The following PTPRT variants were observed in gnomAD, a reference collection of about 807,000 sequenced individuals.
PTPRT encodes the protein receptor-type tyrosine-protein phosphatase T.
Under a neutral mutation model 176.8 loss-of-function variants are expected in PTPRT, and 56 were observed. The ratio of observed to expected loss-of-function variants is 0.32; its 90% CI spans 0.26 to 0.40. The LOEUF is 0.40. PTPRT is among the 10% of genes least tolerant of loss of function. PTPRT has a pLI of 1.00. For missense variants in PTPRT, 1,540 were observed against 1,908.2 expected (o/e 0.81, Z 3.60); for synonymous variants, 783 against 739.0 (o/e 1.06, Z -0.96).
In PTPRT at chr20:42,233,710, G is replaced by T. The variant is rs142628267; in HGVS notation, c.2342+2519C>A. Among the ~76,000 whole-genome samples the T allele has an allele frequency of 4.4e-4, 67 of 152,250 alleles. No homozygotes were observed. In the East Asian group the frequency reaches 0.013, roughly 29 times the overall value. ...TTTCTGTATAGAAGGCAGGCTATTT[G>T]CAGTGGCATACAATATATGACCGTC... On this transcript the variant is annotated intron_variant, in intron 15 of 30. Transcript: ENST00000373187.
At chr20:42,199,042 T>C (rs1991343330) in intron 16 of PTPRT, among the ~76,000 whole-genome samples, 198 bp downstream of exon 16, 13 of 152,202 alleles carry the variant, frequency 8.5e-5, no homozygotes. Context: ...TTGGGGAAGA[T>C]TTTTTAAATA....
At chr20:42,228,178 C>T (rs1049381611) in intron 15 of PTPRT, among the ~76,000 whole-genome samples, 1 of 152,172 alleles carries the variant, frequency 6.6e-6, no homozygotes. Context: ...ATTAAAGGTA[C>T]ATTTTACCTT....
At chr20:42,769,826 T>G (rs1276187203) in intron 5 of PTPRT, among the ~76,000 whole-genome samples, 2 of 152,174 alleles carry the variant, frequency 1.3e-5, no homozygotes, top group Non-Finnish European at 2.9e-5. Flanking sequence ...CACAACAACA[T>G]AAGTAATCCT....
chr20:42,945,986 G>A (rs926578776), intron 1 of PTPRT, among the ~76,000 whole-genome samples: 10 of 152,002 alleles, frequency 6.6e-5, no homozygotes, highest in African/African-American at 2.2e-4. Flanking sequence ...CATACAATAC[G>A]CAACCTTCTG....
At chr20:43,157,054 TA>T (rs970454351) in intron 1 of PTPRT, among the ~76,000 whole-genome samples, 9 of 150,582 alleles carry the variant, frequency 6.0e-5, no homozygotes, top group East Asian at 1.9e-4. Context: ...ACACAGCAAT[TA>T]AAAAAAAAGA....
At chr20:42,589,921 C>T (rs1385188617) in intron 7 of PTPRT, among the ~76,000 whole-genome samples, 1 of 152,160 alleles carries the variant, frequency 6.6e-6, no homozygotes, top group Non-Finnish European at 1.5e-5. Flanking sequence ...CAAGTTCTTA[C>T]AATGTGATCT....
At chr20:42,349,449 C>G (rs1348392848) in intron 11 of PTPRT, among the ~76,000 whole-genome samples, 2 of 152,188 alleles carry the variant, frequency 1.3e-5, no homozygotes, top group Non-Finnish European at 2.9e-5. Flanking sequence ...AGCTCTTATG[C>G]GTATCTCCAC....
At position 42,969,542 on chromosome 20, in the gene PTPRT, T is replaced by C. The variant is rs1982496775; in HGVS notation, c.89-83610A>G. ...CTTTACTATGAACTATGGAATGTGCTAGGTAAAGACGTTACTCCACGTAAG... is the reference window on the plus strand; with the variant it reads ...CTTTACTATGAACTATGGAATGTGCCAGGTAAAGACGTTACTCCACGTAAG... On this transcript the variant is annotated intron_variant, in intron 1 of 30. Coordinates refer to ENST00000373187, the MANE Select transcript of PTPRT (RefSeq NM_007050.6). 2.0e-5 allele frequency: 3 copies of C among 152,334 alleles called. No homozygotes were observed. The South Asian group carries it at 6.2e-4, about 32-fold the overall frequency. The allele number at this position is 152,334 out of a possible 1,614,324, so 9.4% of individuals were successfully genotyped here.
intron 1 of PTPRT, among the ~76,000 whole-genome samples, chr20:42,981,402 G>T (rs1983263826): frequency 6.6e-6 from 1 of 152,206 alleles, no homozygotes; most frequent in African/African-American, 2.4e-5. Flanking sequence ...CACACCCTTG[G>T]GTTATCCCTT....
At chr20:42,278,110 T>C (rs1448090974) in intron 13 of PTPRT, among the ~76,000 whole-genome samples, 2 of 88,730 alleles carry the variant, frequency 2.3e-5, no homozygotes, top group African/African-American at 8.6e-5. Flanking sequence ...TATATATATA[T>C]ATATATATAT....
chr20:42,299,814 AT>A (rs1267431331), intron 12 of PTPRT, among the ~76,000 whole-genome samples: 1 of 151,388 alleles, frequency 6.6e-6, no homozygotes, highest in Non-Finnish European at 1.5e-5. Context: ...CGCCCAGCTA[AT>A]TTTTTGTATT....
At chr20:42,372,684 T>A (rs1454943659) in intron 9 of PTPRT, among the ~76,000 whole-genome samples, 1 of 152,122 alleles carries the variant, frequency 6.6e-6, no homozygotes, top group Admixed American at 6.5e-5. Flanking sequence ...AACCTAACTC[T>A]GAAAAAGATA....
intron 7 of PTPRT, among the ~76,000 whole-genome samples, chr20:42,493,795 A>C (rs1329044865): frequency 6.6e-6 from 1 of 151,982 alleles, no homozygotes; most frequent in Non-Finnish European, 1.5e-5. Flanking sequence ...ATTTGATTGA[A>C]ATGTTCCTTT....
At chr20:42,264,033 A>G (rs1417943005) in intron 13 of PTPRT, among the ~76,000 whole-genome samples, 2 of 152,128 alleles carry the variant, frequency 1.3e-5, no homozygotes, top group Non-Finnish European at 2.9e-5. Flanking sequence ...TTAGTGATAA[A>G]TTGGATACTG....
chr20:42,237,565 T>C (rs1046746796), intron 14 of PTPRT, among the ~76,000 whole-genome samples: 1 of 152,244 alleles, frequency 6.6e-6, no homozygotes, highest in African/African-American at 2.4e-5. Flanking sequence ...ATCTATTTTA[T>C]ACTTTGAAGT....
At chr20:42,710,846 G>T (rs1033230425) in intron 6 of PTPRT, among the ~76,000 whole-genome samples, 1 of 152,254 alleles carries the variant, frequency 6.6e-6, no homozygotes, top group Non-Finnish European at 1.5e-5. Context: ...CACATGGGCT[G>T]TGTCCAAGAA....
At chr20:42,904,502 TAC>T (rs2079448374) in intron 1 of PTPRT, among the ~76,000 whole-genome samples, 2 of 152,190 alleles carry the variant, frequency 1.3e-5, no homozygotes, top group South Asian at 4.2e-4. Flanking sequence ...TCTACCACAG[TAC>T]CAAGGCAATG....
At chr20:42,241,437 T>C (rs1234926821) in intron 14 of PTPRT, among the ~76,000 whole-genome samples, 1 of 152,108 alleles carries the variant, frequency 6.6e-6, no homozygotes, top group East Asian at 1.9e-4. Flanking sequence ...CTCAGTCCCA[T>C]AGGTCACAGG....
At chr20:42,162,188 A>G (rs376421331) in intron 16 of PTPRT, among the ~76,000 whole-genome samples, 6 of 152,116 alleles carry the variant, frequency 3.9e-5, no homozygotes, top group African/African-American at 1.4e-4. Context: ...TAGTTTCCCC[A>G]TCACTTAATA....
Sources: allele counts gnomAD v4.1 joint callset (sites outside exome capture counted in the v4.1 genomes callset), GRCh38; gene constraint gnomAD v4.1.1; transcripts MANE v1.5; gene names NCBI Gene and HGNC (gene_info 2026-07-23, HGNC 2026-07-21).